The following MAP3K2 variants were observed in gnomAD, a reference collection of about 807,000 sequenced individuals.
The protein encoded by MAP3K2 is mitogen-activated protein kinase kinase kinase 2, also known as MAP/ERK kinase kinase 2.
A neutral mutation model predicts 80.3 loss-of-function variants in MAP3K2; 24 were observed. The observed-to-expected ratio is 0.30, with a 90% CI of 0.22 to 0.42. MAP3K2 has a LOEUF of 0.42. MAP3K2 is among the 10% of genes least tolerant of loss of function. MAP3K2 has a pLI of 1.00. For missense variants in MAP3K2, 608 were observed against 750.1 expected, an observed-to-expected ratio of 0.81 and a Z score of 2.21; for synonymous variants, 244 against 253.7, an observed-to-expected ratio of 0.96 and a Z score of 0.36.
intron 1 of MAP3K2, among the ~76,000 whole-genome samples, chr2:127,376,201 T>C (rs963988230): frequency 6.6e-6 from 1 of 151,938 alleles, no homozygotes; most frequent in African/African-American, 2.4e-5. Flanking sequence ...TCTTATCCGG[T>C]GCCTGACAGT....
intron 5 of MAP3K2, among the ~76,000 whole-genome samples, chr2:127,333,703 A>G (rs1686308365): frequency 6.6e-6 from 1 of 152,182 alleles, no homozygotes; most frequent in Non-Finnish European, 1.5e-5. Flanking sequence ...CCACCAAAAT[A>G]TAATGGTAGA....
intron 1 of MAP3K2, among the ~76,000 whole-genome samples, chr2:127,352,662 A>G (rs898163459): frequency 6.6e-6 from 1 of 152,074 alleles, no homozygotes; most frequent in African/African-American, 2.4e-5. Flanking sequence ...AGTAAGTTAA[A>G]AAAGAGTGCA....
chr2:127,353,254 G>A (rs556159873), intron 1 of MAP3K2, among the ~76,000 whole-genome samples: 9 of 152,098 alleles, frequency 5.9e-5, no homozygotes, highest in South Asian at 4.2e-4. Flanking sequence ...AGGAAGTGAC[G>A]AGCGTCTCTG....
intron 1 of MAP3K2, among the ~76,000 whole-genome samples, chr2:127,360,591 A>T (rs1224588362): frequency 6.6e-6 from 1 of 152,166 alleles, no homozygotes; most frequent in Non-Finnish European, 1.5e-5. Flanking sequence ...TTGTATGTTA[A>T]TTATCTCAAG....
In MAP3K2 at chr2:127,308,947, C is replaced by T. The variant is rs116530502; in HGVS notation, c.1457-185G>A. ...ACAGGTGGTGCTCATTAAGGATTTG[C>T]TGCAAGAACACTACATTTTTAGGTC... On this transcript the variant is annotated intron_variant, in intron 15 of 16. Coordinates refer to ENST00000682094, the MANE Select transcript of MAP3K2 (RefSeq NM_001371910.2). Among the ~76,000 whole-genome samples the T allele has an allele frequency of 8.4e-3, 1,280 of 152,228 alleles. 21 individuals carry two copies. The highest frequency in any genetic ancestry group is 0.029 in the African/African-American group (1,220 of 41,518).
intron 14 of MAP3K2, among the ~76,000 whole-genome samples, chr2:127,316,595 T>C (rs1192103837): frequency 6.6e-6 from 1 of 152,250 alleles, no homozygotes; most frequent in Non-Finnish European, 1.5e-5. Flanking sequence ...TATTCCTATG[T>C]GCCACTGCTA....
Position 127,387,473 on chromosome 2 carries a change from G to A in MAP3K2, c.-87C>T. On this transcript the variant is annotated 5_prime_UTR_variant, in exon 1 of 17. Transcript: ENST00000682094. ...GTACCGGCTGCTCCGCAGGGACGTA[G>A]AGAGCCGCAGGCCCAAGGAGGGGCC... The A allele has an allele frequency of 3.0e-6, 3 of 985,114 alleles. No homozygotes were observed. Among genetic ancestry groups the A allele is most frequent in the Non-Finnish European group, 3.6e-6 (3 of 830,358 alleles). The allele number at this position is 985,114 out of a possible 1,614,324, so 61.0% of individuals were successfully genotyped here. A position where few individuals can be genotyped will look rare whatever the true frequency, so the allele number is the denominator to read the frequency against.
chr2:127,306,787 GA>G lies in MAP3K2; in HGVS notation c.*791del, dbSNP rs2104801515. On this transcript the variant is annotated 3_prime_UTR_variant, in exon 17 of 17. Transcript: ENST00000682094. The surrounding 1 kb of genome is among the most constrained non-coding windows in gnomAD (Gnocchi z 4.7). ...TACTGCTCACACATTTGATAAGAGT[GA>G]TGTCCTTTTGTCTTTTATTTCTATT... 6.6e-6 allele frequency: 1 copy of G among 152,346 alleles called. No homozygotes were observed. Among genetic ancestry groups the G allele is most frequent in the African/African-American group, 2.4e-5 (1 of 41,446 alleles). 9.4% of individuals were successfully genotyped at this position (152,346 alleles called of 1,614,324 possible). A position where few individuals can be genotyped will look rare whatever the true frequency, so the allele number is the denominator to read the frequency against.
chr2:127,325,855 A>C, intron 8 of MAP3K2, 48 bp from the exon 9 acceptor site: 1 of 1,354,130 alleles, frequency 7.4e-7, no homozygotes, highest in Non-Finnish European at 1.0e-6. Context: ...TATAACCAAA[A>C]GTTGCTTATT....
At chr2:127,378,385 A>C (rs1048391257) in intron 1 of MAP3K2, among the ~76,000 whole-genome samples, 3 of 152,192 alleles carry the variant, frequency 2.0e-5, no homozygotes, top group African/African-American at 7.2e-5. Flanking sequence ...AAATTAAACA[A>C]CACTCTCCAT....
chr2:127,301,841 G>C lies in MAP3K2; in HGVS notation c.*5738C>G, dbSNP rs779872736. On this transcript the variant is annotated 3_prime_UTR_variant, in exon 17 of 17. Coordinates refer to ENST00000682094, the MANE Select transcript of MAP3K2 (RefSeq NM_001371910.2). ...AATGCTTACAGGACCACTGAAAAAA[G>C]AATCTCTAGGCTCCCCCAAGAGCTC... 4.6e-5 allele frequency: 7 copies of C among 152,134 alleles called. No homozygotes were observed. Among genetic ancestry groups the C allele is most frequent in the Non-Finnish European group, 1.0e-4 (7 of 68,018 alleles). 9.4% of individuals were successfully genotyped at this position (152,134 alleles called of 1,614,324 possible). A position where few individuals can be genotyped will look rare whatever the true frequency, so the allele number is the denominator to read the frequency against.
Position 127,307,529 on chromosome 2 carries a change from T to C in MAP3K2, c.*50A>G. The C allele has an allele frequency of 8.2e-7, 1 of 1,220,004 alleles. No individual in the cohort carries two copies. The allele number at this position is 1,220,004 out of a possible 1,614,324, so 75.6% of individuals were successfully genotyped here. A position where few individuals can be genotyped will look rare whatever the true frequency, so the allele number is the denominator to read the frequency against. ...AAGAAAAGTGCAGTCAGAGAGAAGG[T>C]GAATGAATAGATGGGAGCTAGGTAG... On this transcript the variant is annotated 3_prime_UTR_variant, in exon 17 of 17. Coordinates refer to ENST00000682094, the MANE Select transcript of MAP3K2 (RefSeq NM_001371910.2). The surrounding 1 kb of genome is among the most constrained non-coding windows in gnomAD (Gnocchi z 5.4).
intron 15 of MAP3K2, 58 bp from the exon 16 acceptor site, chr2:127,308,820 T>C: frequency 6.5e-7 from 1 of 1,529,558 alleles, no homozygotes. Flanking sequence ...GAATATAGCA[T>C]AAAAGAACAA....
intron 1 of MAP3K2, among the ~76,000 whole-genome samples, chr2:127,352,374 C>T (rs561340646): frequency 2.0e-5 from 3 of 152,254 alleles, no homozygotes; most frequent in Admixed American, 6.5e-5. Context: ...TGCACTCTCA[C>T]GAGTCTCCAT....
chr2:127,366,280 G>A lies in MAP3K2; in HGVS notation c.-66+21172C>T, dbSNP rs150126949. On this transcript the variant is annotated intron_variant, in intron 1 of 16. Coordinates refer to ENST00000682094, the MANE Select transcript of MAP3K2 (RefSeq NM_001371910.2). ...ACTCCAGGGTTAGCCAGGTGTGGTC[G>A]TGTATGCCTGCAGCCCCAGCTACTC... 3.6e-3 allele frequency among the ~76,000 whole-genome samples: 550 copies of A among 151,906 alleles called. 5 individuals are homozygous for A. The highest frequency in any genetic ancestry group is 0.012 in the African/African-American group (512 of 41,388).
intron 1 of MAP3K2, among the ~76,000 whole-genome samples, chr2:127,351,094 G>A (rs943016543): frequency 8.5e-5 from 13 of 152,050 alleles, no homozygotes; most frequent in Non-Finnish European, 1.9e-4. Flanking sequence ...AAACGTTATG[G>A]CTGTTCTAGA....
At chr2:127,348,549 A>G (rs1200855776) in intron 1 of MAP3K2, among the ~76,000 whole-genome samples, 1 of 152,212 alleles carries the variant, frequency 6.6e-6, no homozygotes, top group Non-Finnish European at 1.5e-5. Flanking sequence ...AAATCTACAG[A>G]GACTGAAAGT....
chr2:127,380,733 AC>A (rs1687231126), intron 1 of MAP3K2, among the ~76,000 whole-genome samples: 1 of 152,240 alleles, frequency 6.6e-6, no homozygotes, highest in Admixed American at 6.5e-5. Context: ...AATATAGTCA[AC>A]CAATGTTCCA....
At chr2:127,311,813 A>C (rs1685812529) in intron 15 of MAP3K2, among the ~76,000 whole-genome samples, 1 of 152,192 alleles carries the variant, frequency 6.6e-6, no homozygotes, top group African/African-American at 2.4e-5. Flanking sequence ...AAAAACTAGA[A>C]TCCAAATGAA....
Sources: allele counts gnomAD v4.1 joint callset (sites outside exome capture counted in the v4.1 genomes callset), GRCh38; gene constraint gnomAD v4.1.1; non-coding constraint Gnocchi (gnomAD v3.1); transcripts MANE v1.5; gene names NCBI Gene and HGNC (gene_info 2026-07-23, HGNC 2026-07-21).